The following PIK3R3 variants were observed in gnomAD, a reference collection of about 807,000 sequenced individuals.
PIK3R3 encodes phosphoinositide-3-kinase regulatory subunit 3.
Under a neutral mutation model 62.9 loss-of-function variants are expected in PIK3R3, and 64 were observed. The observed-to-expected ratio is 1.02, with a 90% CI of 0.83 to 1.25. The LOEUF is 1.25. PIK3R3 is among the 50% of genes most tolerant of loss of function. The pLI, the probability that PIK3R3 is intolerant of heterozygous loss-of-function variation, is 0.00. For missense variants in PIK3R3, 614 were observed against 561.6 expected (o/e 1.09, Z -0.94); for synonymous variants, 165 against 189.0 (o/e 0.87, Z 1.04).
At chr1:46,120,677 AAG>A (rs1335692956) in intron 1 of PIK3R3, among the ~76,000 whole-genome samples, 1 of 152,222 alleles carries the variant, frequency 6.6e-6, no homozygotes, top group Non-Finnish European at 1.5e-5. Context: ...AATAACACTG[AAG>A]AGAGTTATGG....
chr1:46,045,448 G>C (rs1472196510), intron 9 of PIK3R3, among the ~76,000 whole-genome samples: 1 of 151,944 alleles, frequency 6.6e-6, no homozygotes, highest in Non-Finnish European at 1.5e-5. Flanking sequence ...TTATCTTATG[G>C]AAAACACGCC....
At chr1:46,131,825 T>C (rs752877322) in intron 1 of PIK3R3, 22 bp downstream of exon 1, 4 of 769,934 alleles carry the variant, frequency 5.2e-6, no homozygotes, top group East Asian at 5.0e-5. Flanking sequence ...CACGAGATTC[T>C]TTTTTTTTTT....
At position 46,040,418 on chromosome 1, in the gene PIK3R3, C is replaced by T. The variant is rs1158564446; in HGVS notation, c.*3255G>A. 1 of 231,054 alleles carries T rather than the reference C, an allele frequency of 4.3e-6. No individual in the cohort carries two copies. The highest frequency in any genetic ancestry group is 8.6e-6 in the Non-Finnish European group (1 of 116,606). 14.3% of individuals were successfully genotyped at this position (231,054 alleles called of 1,614,324 possible). A position where few individuals can be genotyped will look rare whatever the true frequency, so the allele number is the denominator to read the frequency against. On this transcript the variant is annotated 3_prime_UTR_variant, in exon 10 of 10. Coordinates refer to ENST00000262741, the MANE Select transcript of PIK3R3 (RefSeq NM_003629.4). ...CGTAAACTACACGAATTTTCTTGGACACATCAAAGACAACAGAATAGATTT... is the reference window on the plus strand; with the variant it reads ...CGTAAACTACACGAATTTTCTTGGATACATCAAAGACAACAGAATAGATTT...
intron 1 of PIK3R3, among the ~76,000 whole-genome samples, chr1:46,120,446 G>A (rs761135645): frequency 2.0e-5 from 3 of 152,102 alleles, no homozygotes; most frequent in Non-Finnish European, 4.4e-5. Context: ...GGTGGTGGGC[G>A]CCTGTAATCC....
intron 1 of PIK3R3, among the ~76,000 whole-genome samples, chr1:46,119,647 GTTTT>G (rs969111699): frequency 6.6e-6 from 1 of 150,942 alleles, no homozygotes; most frequent in East Asian, 1.9e-4. Context: ...CCATTTTTTT[GTTTT>G]TTTTGAGATA....
intron 6 of PIK3R3, among the ~76,000 whole-genome samples, chr1:46,061,265 A>G (rs1283821369): frequency 6.6e-6 from 1 of 152,020 alleles, no homozygotes; most frequent in East Asian, 1.9e-4. Flanking sequence ...CTTCTCCCAC[A>G]CCTACCATAT....
At chr1:46,095,159 T>C (rs558336777) in intron 1 of PIK3R3, among the ~76,000 whole-genome samples, 9 of 152,216 alleles carry the variant, frequency 5.9e-5, no homozygotes, top group Non-Finnish European at 1.2e-4. Context: ...TAAATCATCC[T>C]ATTATTAAGA....
At chr1:46,124,289 G>A (rs2149471744) in intron 1 of PIK3R3, among the ~76,000 whole-genome samples, 1 of 152,100 alleles carries the variant, frequency 6.6e-6, no homozygotes, top group African/African-American at 2.4e-5. Flanking sequence ...GGTTTTCTCT[G>A]GGCAGGATAA....
chr1:46,123,094 A>G (rs1166920214), intron 1 of PIK3R3, among the ~76,000 whole-genome samples: 1 of 152,180 alleles, frequency 6.6e-6, no homozygotes, highest in South Asian at 2.1e-4. Flanking sequence ...AGAAAAAAAG[A>G]TATGAAGGAA....
intron 1 of PIK3R3, among the ~76,000 whole-genome samples, chr1:46,101,675 TAAG>T (rs1339509721): frequency 4.6e-5 from 7 of 152,112 alleles, no homozygotes; most frequent in South Asian, 2.1e-4. Context: ...CTAAATGAAA[TAAG>T]AAGACACAAA....
At chr1:46,165,755 T>TG in the PIK3R3 span, among the ~76,000 whole-genome samples, 1 of 30,482 alleles carries the variant, frequency 3.3e-5, no homozygotes, top group African/African-American at 1.3e-4. Flanking sequence ...TTTGTCCTTT[T>TG]TTTTTTTTTT....
chr1:46,066,812 G>A, intron 4 of PIK3R3, 99 bp downstream of exon 4: 1 of 940,424 alleles, frequency 1.1e-6, no homozygotes, highest in Non-Finnish European at 1.7e-6. Context: ...ATAACAAAAT[G>A]GCTAGTTTTT....
intron 1 of PIK3R3, among the ~76,000 whole-genome samples, chr1:46,092,672 C>T (rs1014839012): frequency 1.6e-4 from 25 of 152,036 alleles, no homozygotes; most frequent in Non-Finnish European, 3.5e-4. Context: ...CCTCTCTCTA[C>T]ATCTTTACCA....
intron 1 of PIK3R3, among the ~76,000 whole-genome samples, chr1:46,083,693 C>T (rs1276574739): frequency 6.6e-6 from 1 of 152,082 alleles, no homozygotes; most frequent in Non-Finnish European, 1.5e-5. Flanking sequence ...TGAACATAAT[C>T]AGCCAACAGA....
chr1:46,076,542 C>T (rs1650080824), intron 3 of PIK3R3, among the ~76,000 whole-genome samples: 1 of 152,154 alleles, frequency 6.6e-6, no homozygotes, highest in African/African-American at 2.4e-5. Flanking sequence ...TTAGTCAGCA[C>T]AATTCAAGTG....
At chr1:46,138,542 C>G in the PIK3R3 span, among the ~76,000 whole-genome samples, 1 of 152,172 alleles carries the variant, frequency 6.6e-6, no homozygotes, top group Non-Finnish European at 1.5e-5. Context: ...CTCCTGTAGT[C>G]CCAGCTACTT....
At chr1:46,103,829 T>C (rs573041989) in intron 1 of PIK3R3, among the ~76,000 whole-genome samples, 1 of 151,268 alleles carries the variant, frequency 6.6e-6, no homozygotes, top group Admixed American at 6.6e-5. Context: ...CTCCTGACCT[T>C]GTGATCCACC....
At chr1:46,071,228 A>G (rs979619266) in intron 3 of PIK3R3, among the ~76,000 whole-genome samples, 1 of 152,062 alleles carries the variant, frequency 6.6e-6, no homozygotes. Flanking sequence ...CCTAAAAAAA[A>G]ATTTTGCCTT....
At chr1:46,156,195 G>A in the PIK3R3 span, among the ~76,000 whole-genome samples, 1 of 152,036 alleles carries the variant, frequency 6.6e-6, no homozygotes, top group Non-Finnish European at 1.5e-5. Flanking sequence ...AACATAGACA[G>A]TGAATAATAG....
Sources: gnomAD v4.1 joint callset for allele counts (sites outside exome capture counted in the v4.1 genomes callset) on GRCh38, gnomAD v4.1.1 for gene constraint, MANE v1.5 for transcripts, NCBI Gene and HGNC (gene_info 2026-07-23, HGNC 2026-07-21) for gene names.